FAM184A: variants seen among roughly 807,000 people sequenced by gnomAD.
The protein encoded by FAM184A is protein FAM184A.
A neutral mutation model predicts 143.8 loss-of-function variants in FAM184A; 99 were observed. The observed-to-expected ratio is 0.69, with a 90% CI of 0.58 to 0.81. The LOEUF is 0.81. Ranked by LOEUF, FAM184A falls within the 40% of genes least tolerant of loss-of-function variation. FAM184A has a pLI of 0.00. For missense variants in FAM184A, 1,217 were observed against 1,310.5 expected, an observed-to-expected ratio of 0.93 and a Z score of 1.10; for synonymous variants, 427 against 446.4, an observed-to-expected ratio of 0.96 and a Z score of 0.55.
At chr6:119,084,201 A>C (rs1788153259) in intron 1 of FAM184A, among the ~76,000 whole-genome samples, 1 of 152,174 alleles carries the variant, frequency 6.6e-6, no homozygotes, top group African/African-American at 2.4e-5. Flanking sequence ...CCATGATTCA[A>C]TCACCTCCCA....
At chr6:119,051,568 T>C (rs746454226) in intron 1 of FAM184A, among the ~76,000 whole-genome samples, 3 of 152,206 alleles carry the variant, frequency 2.0e-5, no homozygotes, top group African/African-American at 4.8e-5. Context: ...CTTGAGAGAA[T>C]AGATACTCCA....
intron 1 of FAM184A, among the ~76,000 whole-genome samples, chr6:119,114,325 C>G (rs1440689787): frequency 6.6e-6 from 1 of 152,118 alleles, no homozygotes; most frequent in African/African-American, 2.4e-5. Context: ...TTTGGCAACC[C>G]TCTATTGTCC....
chr6:119,143,642 G>T (rs9489603), intron 1 of FAM184A, among the ~76,000 whole-genome samples: 3 of 152,168 alleles, frequency 2.0e-5, no homozygotes, highest in Non-Finnish European at 2.9e-5. Context: ...AAGGAGTGAC[G>T]TTCTGACACA....
At chr6:119,133,602 G>A (rs1275842040) in intron 1 of FAM184A, among the ~76,000 whole-genome samples, 1 of 151,998 alleles carries the variant, frequency 6.6e-6, no homozygotes, top group Non-Finnish European at 1.5e-5. Context: ...AGTTACCTGA[G>A]GTAGGCTGCC....
Position 119,020,067 on chromosome 6 carries a change from A to T in FAM184A, c.1243T>A (p.Ser415Thr), listed in dbSNP as rs937815517. 8 of 1,609,438 alleles carry T rather than the reference A, an allele frequency of 5.0e-6. No individual in the cohort carries two copies. The highest frequency in any genetic ancestry group is 3.4e-5 in the Admixed American group (2 of 58,996). Residue 415 changes from serine (S) to threonine (T), a missense_variant, in exon 4 of 18, where the codon TCT becomes ACT. Transcript: ENST00000338891. ...AAAGCTCTTTCCTCTTCAAGTTGAGATAATCTCTCATTGACTCTCGATTTT... is the reference window on the plus strand; with the variant it reads ...AAAGCTCTTTCCTCTTCAAGTTGAGTTAATCTCTCATTGACTCTCGATTTT... ...SEKSRVNERLSQLEEERAFLR... is the reference protein window; with the variant it reads ...SEKSRVNERLTQLEEERAFLR...
At chr6:119,056,611 T>C (rs796155275) in intron 1 of FAM184A, among the ~76,000 whole-genome samples, 2 of 152,316 alleles carry the variant, frequency 1.3e-5, no homozygotes, top group African/African-American at 4.8e-5. Context: ...CAAAGACTAA[T>C]GCTATTCATG....
upstream of FAM184A, among the ~76,000 whole-genome samples, chr6:119,082,770 C>T (rs1298648672): frequency 6.6e-6 from 1 of 152,224 alleles, no homozygotes; most frequent in Non-Finnish European, 1.5e-5. Context: ...GTGTTGAGCG[C>T]CTGTGGCTTT....
Position 118,960,309 on chromosome 6 carries a change from A to G in FAM184A, c.3342-125T>C, listed in dbSNP as rs543989472. On this transcript the variant is annotated intron_variant, in intron 17 of 17. Transcript: ENST00000338891. ...TTCCCCATGTTGTAAGTCGTGTTTT[A>G]AAGATTTGCTACCCCCTCTATACTA... 11 of 708,116 alleles carry G rather than the reference A, an allele frequency of 1.6e-5. No individual in the cohort carries two copies. The South Asian group carries it at 2.0e-4, about 13-fold the overall frequency. The allele number at this position is 708,116 out of a possible 1,614,324, so 43.9% of individuals were successfully genotyped here. A position where few individuals can be genotyped will look rare whatever the true frequency, so the allele number is the denominator to read the frequency against.
chr6:119,102,566 T>C (rs1045886998), intron 1 of FAM184A, among the ~76,000 whole-genome samples: 1 of 151,720 alleles, frequency 6.6e-6, no homozygotes, highest in Non-Finnish European at 1.5e-5. Context: ...GGTAGGTAGA[T>C]CACCTGAGGT....
intron 1 of FAM184A, among the ~76,000 whole-genome samples, chr6:119,147,627 C>T (rs779007082): frequency 2.6e-5 from 4 of 152,328 alleles, no homozygotes; most frequent in African/African-American, 9.6e-5. Flanking sequence ...TCAGCCTGCT[C>T]GAACTCAGAC....
At chr6:118,960,332 C>T (rs1583752392) in intron 17 of FAM184A, 148 bp from the exon 18 acceptor site, 1 of 614,868 alleles carries the variant, frequency 1.6e-6, no homozygotes, top group South Asian at 2.0e-5. Flanking sequence ...CCCCTCTATA[C>T]TAGAATCGGT....
chr6:119,106,177 G>A (rs959252692), intron 1 of FAM184A, among the ~76,000 whole-genome samples: 12 of 152,134 alleles, frequency 7.9e-5, no homozygotes, highest in Non-Finnish European at 1.0e-4. Context: ...CGGATCACAA[G>A]GTCAGGAGAT....
At chr6:118,981,698 G>C (rs1454007847) in intron 9 of FAM184A, among the ~76,000 whole-genome samples, 1 of 152,160 alleles carries the variant, frequency 6.6e-6, no homozygotes, top group East Asian at 1.9e-4. Context: ...AGACTGTAGT[G>C]AGCTTAGGGT....
chr6:119,099,038 A>C (rs1418416263), intron 1 of FAM184A, among the ~76,000 whole-genome samples: 1 of 152,162 alleles, frequency 6.6e-6, no homozygotes, highest in Non-Finnish European at 1.5e-5. Context: ...TGAACCTGGG[A>C]GGTGGAGGTT....
At chr6:118,994,737 A>AGC (rs1171147943) in intron 9 of FAM184A, among the ~76,000 whole-genome samples, 2 of 134,546 alleles carry the variant, frequency 1.5e-5, no homozygotes, top group East Asian at 2.0e-4. Context: ...AAATAAATAA[A>AGC]AAGCCAGAGG....
intron 1 of FAM184A, among the ~76,000 whole-genome samples, chr6:119,110,685 G>C (rs970301969): frequency 6.6e-6 from 1 of 152,188 alleles, no homozygotes; most frequent in African/African-American, 2.4e-5. Flanking sequence ...TTTCAGGCAA[G>C]ACTGTGAAAG....
At chr6:119,139,516 T>C (rs75988668) in intron 1 of FAM184A, among the ~76,000 whole-genome samples, 2,464 of 152,234 alleles carry the variant, frequency 0.016, 65 homozygotes, top group African/African-American at 0.053. Context: ...ATCCCTGACA[T>C]GTTTTACAGC....
chr6:119,102,929 A>G (rs528780677), intron 1 of FAM184A, among the ~76,000 whole-genome samples: 16 of 152,216 alleles, frequency 1.1e-4, no homozygotes, highest in South Asian at 2.1e-4. Context: ...TTGGTTTTCT[A>G]TACAATGTCT....
At chr6:119,023,652 C>A (rs997485167) in intron 2 of FAM184A, among the ~76,000 whole-genome samples, 2 of 148,628 alleles carry the variant, frequency 1.3e-5, no homozygotes, top group East Asian at 4.1e-4. Flanking sequence ...CCTGGGCCCC[C>A]CAAAGTGCTG....
Sources: gnomAD v4.1 joint callset for allele counts (sites outside exome capture counted in the v4.1 genomes callset) on GRCh38, gnomAD v4.1.1 for gene constraint, MANE v1.5 for transcripts, NCBI Gene and HGNC (gene_info 2026-07-23, HGNC 2026-07-21) for gene names.